The following GAN variants were observed in gnomAD, a reference collection of about 807,000 sequenced individuals.
The protein encoded by GAN is gigaxonin, also known as epididymis secretory sperm binding protein.
In GAN, 48 loss-of-function variants were observed where a neutral mutation model predicts 71.3. That is an observed-to-expected ratio of 0.67 (90% CI 0.53 to 0.86). The LOEUF is 0.86. Among genes scored for constraint, GAN ranks in the 40% least tolerant of loss-of-function variants. The pLI, the probability that GAN is intolerant of heterozygous loss-of-function variation, is 0.00. For synonymous variants in GAN, 386 were observed against 276.8 expected (o/e 1.39, Z -3.92); for missense variants, 928 against 770.1 (o/e 1.21, Z -2.43).
In GAN at chr16:81,316,450, A is replaced by G. The variant is rs568708251; in HGVS notation, c.167+1170A>G. Among the ~76,000 whole-genome samples, 4 of 124,764 alleles carry G rather than the reference A, an allele frequency of 3.2e-5. No individual in the cohort carries two copies. In the South Asian group the frequency reaches 1.1e-3, roughly 34 times the overall value. 81.9% of individuals were successfully genotyped at this position (124,764 alleles called of 152,430 possible). On this transcript the variant is annotated intron_variant, in intron 1 of 10. Transcript: ENST00000648994. ...TGGTTTCTCTTGGATTTGTTTTGTG[A>G]ATCCATTTGCGCTCTTTGGCGGTGG...
Position 81,377,586 on chromosome 16 carries a change from A to G in GAN, c.1784A>G (p.His595Arg). 6.2e-7 allele frequency: 1 copy of G among 1,614,142 alleles called. No homozygotes were observed. The highest frequency in any genetic ancestry group is 8.5e-7 in the Non-Finnish European group (1 of 1,179,998). ...CAAGGCTTATTCCGTATTCGTGTTCATTCCCCTTGAGGAGGAAGCAGAGCA... is the reference window on the plus strand; with the variant it reads ...CAAGGCTTATTCCGTATTCGTGTTCGTTCCCCTTGAGGAGGAAGCAGAGCA... ...LQQGLFRIRV[H>R]SP The change falls in exon 11 of 11, where the codon CAT (histidine) becomes CGT (arginine). Residue 595 changes from histidine (H) to arginine (R), a missense_variant. Physicochemically the swap from His to Arg is conservative, Grantham distance 29 (BLOSUM62 0). Coordinates refer to ENST00000648994, the MANE Select transcript of GAN (RefSeq NM_022041.4).
chr16:81,343,593 A>G (rs1247402306), intron 1 of GAN, among the ~76,000 whole-genome samples: 1 of 152,176 alleles, frequency 6.6e-6, no homozygotes, highest in Middle Eastern at 3.2e-3. Context: ...ACTCTCAATA[A>G]ACTAGGTATT....
chr16:81,341,331 A>G (rs1288579875), intron 1 of GAN, among the ~76,000 whole-genome samples: 2 of 152,152 alleles, frequency 1.3e-5, no homozygotes, highest in Non-Finnish European at 2.9e-5. Context: ...CAACCCCAAG[A>G]CACATAGATT....
chr16:81,346,589 G>C (rs1910126478), intron 1 of GAN, among the ~76,000 whole-genome samples: 1 of 152,226 alleles, frequency 6.6e-6, no homozygotes, highest in African/African-American at 2.4e-5. Flanking sequence ...GATGATCTGA[G>C]GTGGAACAGT....
At chr16:81,341,701 G>A (rs953831349) in intron 1 of GAN, among the ~76,000 whole-genome samples, 3 of 152,140 alleles carry the variant, frequency 2.0e-5, no homozygotes, top group East Asian at 1.9e-4. Context: ...AAAGACCATC[G>A]ATGCTGTGAA....
intron 1 of GAN, among the ~76,000 whole-genome samples, chr16:81,332,503 C>A (rs28716880): frequency 6.6e-6 from 1 of 152,310 alleles, no homozygotes; most frequent in Admixed American, 6.5e-5. Flanking sequence ...GTCCCCCTTC[C>A]TTGGTGTACT....
chr16:81,362,349 G>T (rs1910702692), intron 5 of GAN, 150 bp from the exon 6 acceptor site: 2 of 688,484 alleles, frequency 2.9e-6, no homozygotes, highest in Middle Eastern at 3.3e-4. Flanking sequence ...CATCACCAAG[G>T]ATCCAATGGG....
chr16:81,337,017 G>A (rs1177434892), intron 1 of GAN, among the ~76,000 whole-genome samples: 2 of 151,982 alleles, frequency 1.3e-5, no homozygotes, highest in Non-Finnish European at 2.9e-5. Context: ...GGACAAATGT[G>A]TCATGACATG....
intron 1 of GAN, among the ~76,000 whole-genome samples, chr16:81,334,238 T>C (rs1027456500): frequency 1.3e-5 from 2 of 152,342 alleles, no homozygotes; most frequent in South Asian, 2.1e-4. Context: ...TTTCTGTGGA[T>C]CTGCCTGTGT....
At chr16:81,363,653 T>C in intron 6 of GAN, 141 bp from the exon 7 acceptor site, 1 of 802,000 alleles carries the variant, frequency 1.2e-6, no homozygotes. Context: ...CTTGCTCCTC[T>C]CCCTGTCTCC....
chr16:81,319,864 C>T (rs1909169748), intron 1 of GAN, among the ~76,000 whole-genome samples: 1 of 152,196 alleles, frequency 6.6e-6, no homozygotes, highest in African/African-American at 2.4e-5. Context: ...AGCAAATCCC[C>T]TTTAAGTCTA....
intron 1 of GAN, among the ~76,000 whole-genome samples, chr16:81,325,210 A>G (rs778272657): frequency 2.5e-4 from 38 of 152,260 alleles, no homozygotes; most frequent in Non-Finnish European, 3.7e-4. Flanking sequence ...CTTAGTTGTG[A>G]AAAAACAAAG....
intron 1 of GAN, among the ~76,000 whole-genome samples, chr16:81,341,653 C>A (rs1451273045): frequency 6.6e-6 from 1 of 152,204 alleles, no homozygotes; most frequent in East Asian, 1.9e-4. Flanking sequence ...TGGATAGGAA[C>A]AACCGGTACC....
At chr16:81,353,726 A>G (rs976245222) in intron 2 of GAN, among the ~76,000 whole-genome samples, 3 of 152,120 alleles carry the variant, frequency 2.0e-5, no homozygotes, top group Admixed American at 6.5e-5. Context: ...CTGTGAAGTC[A>G]GTGGAGGAAG....
At chr16:81,362,862 G>C (rs550536606) in intron 6 of GAN, among the ~76,000 whole-genome samples, 1 of 152,260 alleles carries the variant, frequency 6.6e-6, no homozygotes, top group South Asian at 2.1e-4. Context: ...GCCCTGTGCA[G>C]ATGCCAGCGT....
In GAN at chr16:81,357,921, T is replaced by A; in HGVS notation, c.963T>A (p.Val321=). The A allele has an allele frequency of 1.2e-6, 2 of 1,613,782 alleles. No individual in the cohort carries two copies. Among genetic ancestry groups the A allele is most frequent in the African/African-American group, 1.3e-5 (1 of 75,028 alleles). Residue 321 remains valine, a synonymous_variant, in exon 5 of 11, where the codon GTT becomes GTA. Transcript: ENST00000648994. ...GCATGCCGAGAATTAACCATGGAGT[T>A]CTCTCAGCAGGTACCGTTCTGTGGC... ...PLSMPRINHG[V]LSAEGFLFVF...
chr16:81,348,058 G>T (rs1239313806), intron 1 of GAN, among the ~76,000 whole-genome samples: 1 of 151,904 alleles, frequency 6.6e-6, no homozygotes, highest in Admixed American at 6.6e-5. Context: ...TCGCTGTGTT[G>T]CCCAGTCTGG....
intron 1 of GAN, among the ~76,000 whole-genome samples, chr16:81,329,823 A>G (rs530279030): frequency 2.6e-5 from 4 of 151,982 alleles, no homozygotes; most frequent in Admixed American, 2.0e-4. Context: ...CGGTGATCTC[A>G]TCTACCCCAG....
intron 1 of GAN, among the ~76,000 whole-genome samples, chr16:81,341,059 T>A (rs1427935662): frequency 6.6e-6 from 1 of 151,562 alleles, no homozygotes; most frequent in Non-Finnish European, 1.5e-5. Context: ...GAAGATCAGA[T>A]TAATGAAATA....
Sources: gnomAD v4.1 joint callset for allele counts (sites outside exome capture counted in the v4.1 genomes callset) on GRCh38, gnomAD v4.1.1 for gene constraint, MANE v1.5 for transcripts, NCBI Gene and HGNC (gene_info 2026-07-23, HGNC 2026-07-21) for gene names.